Variants in ZDBF2 observed in about 807,000 individuals in gnomAD.
The protein encoded by ZDBF2 is DBF4-type zinc finger-containing protein 2.
ZDBF2 carries 6 observed loss-of-function variants against 9.4 expected under a neutral mutation model. The ratio of observed to expected loss-of-function variants is 0.64; its 90% CI spans 0.35 to 1.27. The LOEUF (loss-of-function observed/expected upper bound fraction) is 1.27. ZDBF2 is among the 50% of genes most tolerant of loss of function. The probability of loss-of-function intolerance (pLI) is 0.03; values close to 1 mark genes in which losing one functional copy is unlikely to be tolerated. For missense variants in ZDBF2, 2,697 were observed against 2,766.8 expected (o/e 0.97, Z 0.57); for synonymous variants, 905 against 946.3 (o/e 0.96, Z 0.80).
In ZDBF2 at chr2:206,304,970, C is replaced by T; in HGVS notation, c.442C>T (p.Pro148Ser). ...AAAACTGGAGAAGGGACAGCAGCAG[C>T]CCTTGGAGTTTGTTCATAAAATTGG... ...IQKLEKGQQQ[P>S]LEFVHKIGAS... Residue 148 changes from proline (P) to serine (S), a missense_variant, in exon 5 of 5, where the codon CCC becomes TCC. Physicochemically the swap from Pro to Ser is moderately conservative, Grantham distance 74. This residue lies in a region of ZDBF2 where 910 missense variants were observed against 973.6 expected (regional missense o/e 0.93). Coordinates refer to ENST00000374423, the MANE Select transcript of ZDBF2 (RefSeq NM_020923.3). 4 of 1,613,602 alleles carry T rather than the reference C, an allele frequency of 2.5e-6. No homozygotes were observed. The highest frequency in any genetic ancestry group is 3.4e-6 in the Non-Finnish European group (4 of 1,179,766).
chr2:206,304,699 T>G lies in ZDBF2; in HGVS notation c.189-18T>G, dbSNP rs750682601. On this transcript the variant is annotated intron_variant, in intron 4 of 4. Coordinates refer to ENST00000374423, the MANE Select transcript of ZDBF2 (RefSeq NM_020923.3). ...AGACATTAGAATATGTTTATGAGTTTCCCCCCTTTCGTTTTAGTTCAACAC... is the reference window on the plus strand; with the variant it reads ...AGACATTAGAATATGTTTATGAGTTGCCCCCCTTTCGTTTTAGTTCAACAC... 8 of 1,582,182 alleles carry G rather than the reference T, an allele frequency of 5.1e-6. No individual in the cohort carries two copies. The highest frequency in any genetic ancestry group is 6.8e-6 in the Non-Finnish European group (8 of 1,168,072).
chr2:206,306,049 C>T lies in ZDBF2; in HGVS notation c.1521C>T (p.Asp507=), dbSNP rs779021094. 8 of 1,613,612 alleles carry T rather than the reference C, an allele frequency of 5.0e-6. No homozygotes were observed. The South Asian group carries it at 5.5e-5, about 11-fold the overall frequency. ...DCDASPQSTS[D]YPQQSVTEVN... The stretch of plus-strand genomic sequence containing the variant: ...ATGCTTCACCTCAGTCCACTAGTGA[C>T]TACCCCCAACAATCTGTAACAGAAG... The change falls in exon 5 of 5, where the codon GAC becomes GAT. Residue 507 remains aspartate, a synonymous_variant. Coordinates refer to ENST00000374423, the MANE Select transcript of ZDBF2 (RefSeq NM_020923.3).
At chr2:206,292,371 C>G (rs146295653) in intron 3 of ZDBF2, among the ~76,000 whole-genome samples, 1 of 152,036 alleles carries the variant, frequency 6.6e-6, no homozygotes, top group African/African-American at 2.4e-5. Context: ...AATGATGAAA[C>G]GTAGTCCACA....
In ZDBF2 at chr2:206,308,947, C is replaced by T. The variant is rs771539134; in HGVS notation, c.4419C>T (p.Tyr1473=). 1 of 1,613,384 alleles carries T rather than the reference C, an allele frequency of 6.2e-7. No homozygotes were observed. The highest frequency in any genetic ancestry group is 8.5e-7 in the Non-Finnish European group (1 of 1,179,630). Residue 1473 remains tyrosine (Y), a synonymous_variant, in exon 5 of 5, where the codon TAC becomes TAT. Coordinates refer to ENST00000374423, the MANE Select transcript of ZDBF2 (RefSeq NM_020923.3). ...QSEVDQPQVS[Y]KEADLQKEEH... ...AAGTTGACCAACCTCAAGTGTCTTA[C>T]AAAGAGGCAGACCTTCAGAAGGAAG...
chr2:206,297,637 T>TTA (rs1262517487), intron 4 of ZDBF2, among the ~76,000 whole-genome samples: 1 of 152,090 alleles, frequency 6.6e-6, no homozygotes, highest in Non-Finnish European at 1.5e-5. Flanking sequence ...TATAAGTATG[T>TTA]TATAGGATTA....
chr2:206,311,488 T>C lies in ZDBF2; in HGVS notation c.6960T>C (p.Ser2320=), dbSNP rs773559866. 16 of 1,608,370 alleles carry C rather than the reference T, an allele frequency of 9.9e-6. No homozygotes were observed. In the South Asian group the frequency reaches 1.8e-4, roughly 18 times the overall value. ...ACCATGGCCGACAGAAAGGTCCTTC[T>C]ACACCTGTGAGAGCATATGATCTGA... The part of the protein sequence containing the change: ...ESYHGRQKGP[S]TPVRAYDLRS... The change falls in exon 5 of 5, where the codon TCT becomes TCC. Residue 2320 remains serine (S), a synonymous_variant. Transcript: ENST00000374423.
chr2:206,305,583 C>G lies in ZDBF2; in HGVS notation c.1055C>G (p.Ala352Gly), dbSNP rs752796883. The change falls in exon 5 of 5, where the codon GCC (alanine) becomes GGC (glycine). Residue 352 changes from alanine (A) to glycine (G), a missense_variant. Physicochemically the swap from Ala to Gly is moderately conservative, Grantham distance 60 (BLOSUM62 0). This residue lies in a region of ZDBF2 where 910 missense variants were observed against 973.6 expected (regional missense o/e 0.93). Coordinates refer to ENST00000374423, the MANE Select transcript of ZDBF2 (RefSeq NM_020923.3). ...EEKHLVFNKTAFWEQKCSVSS... is the reference protein window; with the variant it reads ...EEKHLVFNKTGFWEQKCSVSS... Reference sequence around the variant, plus strand: ...AAGCATTTGGTTTTTAACAAGACAGCCTTTTGGGAACAGAAGTGCTCAGTG... The same window carrying G: ...AAGCATTTGGTTTTTAACAAGACAGGCTTTTGGGAACAGAAGTGCTCAGTG... The G allele has an allele frequency of 1.4e-5, 23 of 1,613,778 alleles. No homozygotes were observed. In the East Asian group the frequency reaches 2.0e-4, roughly 14 times the overall value.
intron 1 of ZDBF2, among the ~76,000 whole-genome samples, chr2:206,278,016 T>C (rs1691116396): frequency 1.3e-5 from 2 of 152,300 alleles, no homozygotes; most frequent in South Asian, 4.1e-4. Flanking sequence ...GATAGCATTT[T>C]ATAATGGTAT....
Position 206,306,727 on chromosome 2 carries a change from G to T in ZDBF2, c.2199G>T (p.Glu733Asp). The T allele has an allele frequency of 1.2e-6, 2 of 1,613,806 alleles. No individual in the cohort carries two copies. Among genetic ancestry groups the T allele is most frequent in the Non-Finnish European group, 1.7e-6 (2 of 1,179,790 alleles). ...CTTTGGATGAAGTAAATCTTAAAGA[G>T]TTAAATATTGACATGGAAGTTAGGA... ...QEALDEVNLK[E>D]LNIDMEVRSY... The change falls in exon 5 of 5, where the codon GAG becomes GAT. Residue 733 changes from glutamate to aspartate, a missense_variant. By Grantham distance (45) the Glu-to-Asp change is conservative. Coordinates refer to ENST00000374423, the MANE Select transcript of ZDBF2 (RefSeq NM_020923.3).
intron 3 of ZDBF2, among the ~76,000 whole-genome samples, chr2:206,293,511 A>T (rs1692005646): frequency 6.6e-6 from 1 of 152,200 alleles, no homozygotes; most frequent in Admixed American, 6.5e-5. Flanking sequence ...AGAGAGGAAG[A>T]TGGTACTTGA....
In ZDBF2 at chr2:206,304,967, C is replaced by G; in HGVS notation, c.439C>G (p.Gln147Glu). 1 of 1,613,650 alleles carries G rather than the reference C, an allele frequency of 6.2e-7. No homozygotes were observed. The highest frequency in any genetic ancestry group is 8.5e-7 in the Non-Finnish European group (1 of 1,179,774). Reference protein sequence around the residue: ...VIQKLEKGQQQPLEFVHKIGA... With the variant: ...VIQKLEKGQQEPLEFVHKIGA... Reference sequence around the variant, plus strand: ...TCAAAAACTGGAGAAGGGACAGCAGCAGCCCTTGGAGTTTGTTCATAAAAT... The same window carrying G: ...TCAAAAACTGGAGAAGGGACAGCAGGAGCCCTTGGAGTTTGTTCATAAAAT... Residue 147 changes from glutamine (Q) to glutamate (E), a missense_variant, in exon 5 of 5, where the codon CAG (glutamine) becomes GAG (glutamate). By Grantham distance (29) the Gln-to-Glu change is conservative (BLOSUM62 2). Around this residue, in one of 3 missense-constraint regions of ZDBF2, gnomAD observed 910 missense variants for 973.6 expected, o/e 0.93. Transcript: ENST00000374423.
rs1692993605 is a variant in ZDBF2, at chr2:206,309,108, T to C, written c.4580T>C (p.Leu1527Pro). ...GAAACCCACCTTCCAAAGGTGGTAC[T>C]TGTGGATCTGGTGCCCGGTGATAGT... ...VKETHLPKVV[L>P]VDLVPGDSDY... is the part of the protein sequence containing the mutation. Residue 1527 changes from leucine to proline, a missense_variant, in exon 5 of 5, where the codon CTT becomes CCT. Around this residue, in one of 3 missense-constraint regions of ZDBF2, gnomAD observed 1,783 missense variants for 1,776.5 expected, o/e 1.00. Transcript: ENST00000374423. The C allele has an allele frequency of 5.6e-6, 9 of 1,613,932 alleles. No homozygotes were observed. The East Asian group carries it at 1.8e-4, about 32-fold the overall frequency.
At chr2:206,283,383 G>T (rs1364242080) in intron 3 of ZDBF2, among the ~76,000 whole-genome samples, 8 of 149,640 alleles carry the variant, frequency 5.3e-5, no homozygotes, top group South Asian at 2.1e-4. Context: ...TGTCTGTTTT[G>T]TTTTTTGTTG....
At chr2:206,283,998 C>T (rs1201028805) in intron 3 of ZDBF2, among the ~76,000 whole-genome samples, 6 of 152,066 alleles carry the variant, frequency 3.9e-5, no homozygotes, top group Admixed American at 2.0e-4. Flanking sequence ...TTTTGATGCA[C>T]AAAAGTTTTA....
In ZDBF2 at chr2:206,306,713, G is replaced by A. The variant is rs1692822107; in HGVS notation, c.2185G>A (p.Val729Ile). Residue 729 changes from valine (V) to isoleucine (I), a missense_variant, in exon 5 of 5, where the codon GTA (valine) becomes ATA (isoleucine). Around this residue, in one of 3 missense-constraint regions of ZDBF2, gnomAD observed 910 missense variants for 973.6 expected, o/e 0.93. Coordinates refer to ENST00000374423, the MANE Select transcript of ZDBF2 (RefSeq NM_020923.3). ...TGAGCCTCAAGAAGCTTTGGATGAAGTAAATCTTAAAGAGTTAAATATTGA... is the reference window on the plus strand; with the variant it reads ...TGAGCCTCAAGAAGCTTTGGATGAAATAAATCTTAAAGAGTTAAATATTGA... The part of the protein sequence containing the change: ...HDEPQEALDE[V>I]NLKELNIDME... The A allele has an allele frequency of 1.9e-6, 3 of 1,613,816 alleles. No homozygotes were observed. In the East Asian group the frequency reaches 6.7e-5, roughly 36 times the overall value.
At chr2:206,298,961 A>C (rs564458149) in intron 4 of ZDBF2, among the ~76,000 whole-genome samples, 4 of 150,724 alleles carry the variant, frequency 2.7e-5, no homozygotes, top group Non-Finnish European at 4.4e-5. Context: ...GCTCACTGCA[A>C]CCTCCATCTC....
rs1574429556 is a variant in ZDBF2 at position 206,312,906 on chromosome 2, A to AT, written c.*1317dup. On this transcript the variant is annotated 3_prime_UTR_variant, in exon 5 of 5. Coordinates refer to ENST00000374423, the MANE Select transcript of ZDBF2 (RefSeq NM_020923.3). ...TTTGTCTTTAACTATTTGTTAACAGATTTTAACAGTTCAAATGAAAGATGT... is the reference window on the plus strand; with the variant it reads ...TTTGTCTTTAACTATTTGTTAACAGATTTTTAACAGTTCAAATGAAAGATGT... 1 of 152,204 alleles carries AT rather than the reference A, an allele frequency of 6.6e-6. No individual in the cohort carries two copies. The highest frequency in any genetic ancestry group is 1.5e-5 in the Non-Finnish European group (1 of 68,030). 9.4% of individuals were successfully genotyped at this position (152,204 alleles called of 1,614,324 possible).
rs1692784585 is a variant in ZDBF2, at chr2:206,306,193, G to A, written c.1665G>A (p.Val555=). ...PLQSVVDRPP[V]AVTETKLRKK... ...AGTCAGTGGTTGACAGACCCCCAGT[G>A]GCTGTCACAGAAACAAAACTTCGGA... The change falls in exon 5 of 5, where the codon GTG becomes GTA. Residue 555 remains valine (V), a synonymous_variant. Transcript: ENST00000374423. 9.3e-6 allele frequency: 15 copies of A among 1,613,624 alleles called. No individual in the cohort carries two copies. Among genetic ancestry groups the A allele is most frequent in the Non-Finnish European group, 1.3e-5 (15 of 1,179,786 alleles).
At position 206,305,400 on chromosome 2, in the gene ZDBF2, G is replaced by A. The variant is rs1249887867; in HGVS notation, c.872G>A (p.Arg291His). ...TCAGCTGGCTTGAAATTCCATGAAC[G>A]CATGGGTACTAAGGGCTCCTTAAGA... is the stretch of plus-strand genomic sequence containing the variant. ...TLSAGLKFHERMGTKGSLRVK... is the reference protein window; with the variant it reads ...TLSAGLKFHEHMGTKGSLRVK... The change falls in exon 5 of 5, where the codon CGC (arginine) becomes CAC (histidine). Residue 291 changes from arginine (R) to histidine (H), a missense_variant. This residue lies in a region of ZDBF2 where 910 missense variants were observed against 973.6 expected (regional missense o/e 0.93). Transcript: ENST00000374423. 2.7e-5 allele frequency: 43 copies of A among 1,613,264 alleles called. No individual in the cohort carries two copies. Among genetic ancestry groups the A allele is most frequent in the Admixed American group, 5.0e-5 (3 of 59,834 alleles).
Sources: gnomAD v4.1 joint callset for allele counts (sites outside exome capture counted in the v4.1 genomes callset) on GRCh38, gnomAD v4.1.1 for gene constraint, gnomAD v4.1.1 regional missense constraint, MANE v1.5 for transcripts, NCBI Gene and HGNC (gene_info 2026-07-23, HGNC 2026-07-21) for gene names.